Variants in NOCT observed in about 807,000 individuals in gnomAD.
NOCT encodes the protein nocturnin.
A neutral mutation model predicts 35.0 loss-of-function variants in NOCT; 18 were observed. The ratio of observed to expected loss-of-function variants is 0.51; its 90% CI spans 0.36 to 0.76. NOCT has a LOEUF of 0.76. NOCT is among the 30% of genes least tolerant of loss of function. NOCT has a pLI of 0.01. For synonymous variants in NOCT, 235 were observed against 226.3 expected, an observed-to-expected ratio of 1.04 and a Z score of -0.34; for missense variants, 479 against 541.0, an observed-to-expected ratio of 0.89 and a Z score of 1.14.
intron 1 of NOCT, 54 bp from the exon 2 acceptor site, chr4:139,043,020 G>A (rs1726865183): frequency 6.6e-7 from 1 of 1,513,532 alleles, no homozygotes; most frequent in South Asian, 1.3e-5. Context: ...GTTGTGCTGG[G>A]CGAGAAGTCA....
At chr4:139,016,918 G>T (rs1348288143) in intron 1 of NOCT, among the ~76,000 whole-genome samples, 5 of 150,568 alleles carry the variant, frequency 3.3e-5, no homozygotes, top group Non-Finnish European at 7.4e-5. Flanking sequence ...CTCCCAGAGT[G>T]CTGGGATCAC....
At position 139,016,163 on chromosome 4, in the gene NOCT, C is replaced by G. The variant is rs1207120988; in HGVS notation, c.182C>G (p.Ser61Cys). The G allele has an allele frequency of 1.6e-6, 2 of 1,263,438 alleles. No homozygotes were observed. The highest frequency in any genetic ancestry group is 3.1e-5 in the African/African-American group (2 of 64,306). The allele number at this position is 1,263,438 out of a possible 1,614,324, so 78.3% of individuals were successfully genotyped here. ...SAASGAARSC[S>C]RTVCSMGTGT... Reference sequence around the variant, plus strand: ...GCCTCGGGCGCCGCGAGGTCGTGTTCCCGAACAGGTGAGTGCACCCCAGTT... The same window carrying G: ...GCCTCGGGCGCCGCGAGGTCGTGTTGCCGAACAGGTGAGTGCACCCCAGTT... The change falls in exon 1 of 3, where the codon TCC (serine) becomes TGC (cysteine). Residue 61 changes from serine (S) to cysteine (C), a missense_variant. Physicochemically the swap from Ser to Cys is moderately radical, Grantham distance 112 (BLOSUM62 -1). Around this residue, in one of 2 missense-constraint regions of NOCT, gnomAD observed 265 missense variants for 257.0 expected, o/e 1.03. Transcript: ENST00000280614.
intron 1 of NOCT, among the ~76,000 whole-genome samples, chr4:139,039,686 T>G (rs906596375): frequency 2.0e-5 from 3 of 152,132 alleles, no homozygotes; most frequent in Admixed American, 1.3e-4. Flanking sequence ...ATTTCTGAAT[T>G]TTCTAATTCT....
intron 1 of NOCT, among the ~76,000 whole-genome samples, chr4:139,023,947 T>A: frequency 6.6e-6 from 1 of 152,186 alleles, no homozygotes; most frequent in East Asian, 1.9e-4. Context: ...ACATTAAAAG[T>A]TTGTATCGGT....
At chr4:139,042,250 G>A (rs956178913) in intron 1 of NOCT, among the ~76,000 whole-genome samples, 1 of 151,466 alleles carries the variant, frequency 6.6e-6, no homozygotes, top group African/African-American at 2.4e-5. Context: ...TATGTTTTTG[G>A]TAGAGGCAGG....
chr4:139,029,524 A>G (rs958217728), intron 1 of NOCT, among the ~76,000 whole-genome samples: 2 of 152,224 alleles, frequency 1.3e-5, no homozygotes, highest in East Asian at 3.8e-4. Flanking sequence ...GGCACTCAAT[A>G]ACAGACTTGG....
intron 2 of NOCT, 56 bp downstream of exon 2, chr4:139,043,399 C>CT: frequency 6.5e-7 from 1 of 1,538,624 alleles, no homozygotes; most frequent in Non-Finnish European, 8.9e-7. Flanking sequence ...TGCCTTTCTG[C>CT]TTCTGCACAT....
intron 1 of NOCT, among the ~76,000 whole-genome samples, chr4:139,039,788 C>T (rs1031867169): frequency 3.9e-5 from 6 of 152,074 alleles, no homozygotes; most frequent in Admixed American, 2.6e-4. Flanking sequence ...AGTGGAATGG[C>T]GCCATCTCGG....
chr4:139,017,186 A>T (rs1317159097), intron 1 of NOCT, among the ~76,000 whole-genome samples: 1 of 149,650 alleles, frequency 6.7e-6, no homozygotes, highest in Non-Finnish European at 1.5e-5. Flanking sequence ...TACTTTAAAA[A>T]TTGATAAATT....
At chr4:139,021,024 G>A (rs918380496) in intron 1 of NOCT, among the ~76,000 whole-genome samples, 5 of 145,182 alleles carry the variant, frequency 3.4e-5, no homozygotes, top group East Asian at 2.0e-4. Context: ...CCGAGATTGC[G>A]CCATTGCACT....
At chr4:139,026,790 G>A (rs1023797227) in intron 1 of NOCT, among the ~76,000 whole-genome samples, 1 of 151,678 alleles carries the variant, frequency 6.6e-6, no homozygotes, top group Non-Finnish European at 1.5e-5. Context: ...GACCTCAGGT[G>A]ATCTGCTCGC....
At chr4:139,043,387 A>G (rs369738417) in intron 2 of NOCT, 44 bp downstream of exon 2, 172 of 1,589,846 alleles carry the variant, frequency 1.1e-4, no homozygotes, top group Non-Finnish European at 1.4e-4. Flanking sequence ...GTTTGCTGTG[A>G]CTGCCTTTCT....
intron 1 of NOCT, among the ~76,000 whole-genome samples, chr4:139,025,738 A>G (rs2148643286): frequency 6.6e-6 from 1 of 151,192 alleles, no homozygotes; most frequent in Admixed American, 6.6e-5. Flanking sequence ...TGGGAGGCAG[A>G]GGTTTCAGTG....
chr4:139,021,408 C>T (rs1477478566), intron 1 of NOCT, among the ~76,000 whole-genome samples: 3 of 151,934 alleles, frequency 2.0e-5, no homozygotes, highest in Non-Finnish European at 4.4e-5. Flanking sequence ...CACCTGAGGT[C>T]GGGAGTTCGA....
intron 1 of NOCT, among the ~76,000 whole-genome samples, chr4:139,041,390 CTT>C (rs1479866843): frequency 1.3e-5 from 2 of 152,078 alleles, no homozygotes; most frequent in Non-Finnish European, 2.9e-5. Context: ...ATAAAGAAAA[CTT>C]TGTATCTCTC....
At chr4:139,041,196 A>G (rs1726827740) in intron 1 of NOCT, among the ~76,000 whole-genome samples, 3 of 152,242 alleles carry the variant, frequency 2.0e-5, no homozygotes, top group African/African-American at 7.2e-5. Flanking sequence ...GAACAAAAAA[A>G]GCATGCTTGC....
Position 139,042,071 on chromosome 4 carries a change from CTTTTTTTT to C in NOCT, c.191-990_191-983del, listed in dbSNP as rs368776726. On this transcript the variant is annotated intron_variant, in intron 1 of 2. Coordinates refer to ENST00000280614, the MANE Select transcript of NOCT (RefSeq NM_012118.4). Reference sequence around the variant, plus strand: ...CTTTTTACAAACTAGTCTTTAAGATCTTTTTTTTTTTTTTTTTTTTGAGTCTCGCTGTG... The same window carrying C: ...CTTTTTACAAACTAGTCTTTAAGATCTTTTTTTTTTTTGAGTCTCGCTGTG... Among the ~76,000 whole-genome samples the C allele has an allele frequency of 6.4e-5, 7 of 108,746 alleles. 1 individual carries two copies. Among genetic ancestry groups the C allele is most frequent in the South Asian group, 6.6e-4 (2 of 3,012 alleles). 71.3% of individuals were successfully genotyped at this position (108,746 alleles called of 152,430 possible). A position where few individuals can be genotyped will look rare whatever the true frequency, so the allele number is the denominator to read the frequency against.
rs147555577 is a variant in NOCT, at chr4:139,044,892, A to G, written c.714A>G (p.Leu238=). ...ACAATGGACCAGATGGTTGTGCCTT[A>G]TTTTTTCTTCAAAACCGATTCAAGC... is the stretch of plus-strand genomic sequence containing the variant. ...EHNNGPDGCA[L]FFLQNRFKLV... Residue 238 remains leucine, a synonymous_variant, in exon 3 of 3, where the codon TTA becomes TTG. Coordinates refer to ENST00000280614, the MANE Select transcript of NOCT (RefSeq NM_012118.4). The G allele has an allele frequency of 2.2e-5, 35 of 1,614,094 alleles. No individual in the cohort carries two copies. The Admixed American group carries it at 4.0e-4, about 18-fold the overall frequency.
At chr4:139,017,734 T>TG (rs1482009552) in intron 1 of NOCT, among the ~76,000 whole-genome samples, 1 of 151,614 alleles carries the variant, frequency 6.6e-6, no homozygotes, top group Non-Finnish European at 1.5e-5. Context: ...GGCGGAGTGT[T>TG]GCAGTGAGCC....
Sources: allele counts gnomAD v4.1 joint callset (sites outside exome capture counted in the v4.1 genomes callset), GRCh38; gene constraint gnomAD v4.1.1; regional missense constraint gnomAD v4.1.1; transcripts MANE v1.5; gene names NCBI Gene and HGNC (gene_info 2026-07-23, HGNC 2026-07-21).